Variants in PITPNM2 observed in about 807,000 individuals in gnomAD.
PITPNM2 encodes the protein membrane-associated phosphatidylinositol transfer protein 2.
PITPNM2 carries 35 observed loss-of-function variants against 132.2 expected under a neutral mutation model. That is an observed-to-expected ratio of 0.26 (90% CI 0.20 to 0.35). PITPNM2 has a LOEUF of 0.35. Ranked by LOEUF, PITPNM2 falls within the 10% of genes least tolerant of loss-of-function variation. PITPNM2 has a pLI of 1.00. For synonymous variants in PITPNM2, 738 were observed against 799.2 expected (o/e 0.92, Z 1.29); for missense variants, 1,332 against 1,912.0 (o/e 0.70, Z 5.66).
In PITPNM2 at chr12:123,004,570, GGGCCACCCACA is replaced by G. The variant is rs77146268; in HGVS notation, c.953-92_953-82del. On this transcript the variant is annotated intron_variant, in intron 7 of 25. Coordinates refer to ENST00000320201, the MANE Select transcript of PITPNM2 (RefSeq NM_020845.3). This position sits in a 1 kb window ranked among gnomAD's most constrained non-coding sequence, Gnocchi z 4.9. ...GCCCTGAGCCGGCAGGAGGCAGGGA[GGGCCACCCACA>G]GGCCTGACAGGCATCACAGAGGCTG... 246 of 1,364,038 alleles carry G rather than the reference GGGCCACCCACA, an allele frequency of 1.8e-4. No individual in the cohort carries two copies. The highest frequency in any genetic ancestry group is 2.3e-4 in the Non-Finnish European group (219 of 961,386). The allele number at this position is 1,364,038 out of a possible 1,614,324, so 84.5% of individuals were successfully genotyped here.
intron 1 of PITPNM2, among the ~76,000 whole-genome samples, chr12:123,126,297 C>G (rs547060032): frequency 2.6e-4 from 39 of 152,218 alleles, no homozygotes; most frequent in African/African-American, 7.2e-4. Context: ...GATGCATATC[C>G]TTGGGTAAGC....
rs188845062 is a variant in PITPNM2 at position 123,004,219 on chromosome 12, G to T, written c.1048+175C>A. 1.6e-3 allele frequency among the ~76,000 whole-genome samples: 249 copies of T among 152,198 alleles called. No homozygotes were observed. Among genetic ancestry groups the T allele is most frequent in the African/African-American group, 5.8e-3 (240 of 41,518 alleles). ...ACAAGATGACCTCATCTCATCCTCT[G>T]TGCACTGCCCCAAACACCAGGCTGT... On this transcript the variant is annotated intron_variant, in intron 8 of 25. Transcript: ENST00000320201. The surrounding 1 kb of genome is among the most constrained non-coding windows in gnomAD (Gnocchi z 4.9).
intron 3 of PITPNM2, among the ~76,000 whole-genome samples, chr12:123,020,635 T>C (rs1329065229): frequency 6.6e-6 from 1 of 152,112 alleles, no homozygotes; most frequent in Non-Finnish European, 1.5e-5. Context: ...GCCTCTGTGC[T>C]CAGCAGGTAG....
At chr12:123,024,505 A>G (rs909951135) in intron 3 of PITPNM2, among the ~76,000 whole-genome samples, 20 of 152,238 alleles carry the variant, frequency 1.3e-4, no homozygotes, top group Admixed American at 1.2e-3. Flanking sequence ...CTGTAGCCAA[A>G]AAGTGGAAAC....
rs760798163 is a variant in PITPNM2 at position 122,995,497 on chromosome 12, G to A, written c.1946C>T (p.Pro649Leu). The A allele has an allele frequency of 5.3e-5, 86 of 1,613,722 alleles. No homozygotes were observed. The East Asian group carries it at 1.9e-3, about 35-fold the overall frequency. The stretch of plus-strand genomic sequence containing the variant: ...GGGGTCCTCAGTGCCGTTGCTGCGG[G>A]GGATGTCGACGTTGCTTCGGCTCAG... ...RHLSRSNVDI[P>L]RSNGTEDPKR... Residue 649 changes from proline (P) to leucine (L), a missense_variant, in exon 14 of 26, where the codon CCC becomes CTC. Around this residue, in one of 6 missense-constraint regions of PITPNM2, gnomAD observed 710 missense variants for 911.5 expected, o/e 0.78. Transcript: ENST00000320201.
intron 19 of PITPNM2, 152 bp from the exon 20 acceptor site, chr12:122,988,502 G>T: frequency 1.2e-6 from 1 of 804,658 alleles, no homozygotes; most frequent in Non-Finnish European, 2.0e-6. Flanking sequence ...GTAGCCCTCA[G>T]ACCCCTGTTC....
In PITPNM2 at chr12:123,106,527, G is replaced by C. The variant is rs2042715447; in HGVS notation, c.-96+3858C>G. Among the ~76,000 whole-genome samples the C allele has an allele frequency of 1.3e-5, 2 of 152,220 alleles. No homozygotes were observed. Among genetic ancestry groups the C allele is most frequent in the Admixed American group, 1.3e-4 (2 of 15,288 alleles). ...GCTCCGGGGAACAGGAAGAAGAGGA[G>C]ACTGAGAAGAGCCAGCAATTTCTGG... On this transcript the variant is annotated intron_variant, in intron 2 of 25. Coordinates refer to ENST00000320201, the MANE Select transcript of PITPNM2 (RefSeq NM_020845.3). The surrounding 1 kb of genome is among the most constrained non-coding windows in gnomAD (Gnocchi z 4.4).
At chr12:123,119,605 G>A (rs1306579862) in intron 1 of PITPNM2, among the ~76,000 whole-genome samples, 4 of 151,972 alleles carry the variant, frequency 2.6e-5, no homozygotes, top group South Asian at 2.1e-4. Flanking sequence ...TGATCCGCCC[G>A]CCTCGGCCTC....
chr12:123,004,240 G>A lies in PITPNM2; in HGVS notation c.1048+154C>T, dbSNP rs2038820075. 6.6e-6 allele frequency among the ~76,000 whole-genome samples: 1 copy of A among 152,066 alleles called. No homozygotes were observed. Among genetic ancestry groups the A allele is most frequent in the South Asian group, 2.1e-4 (1 of 4,828 alleles). ...CTCTGTGCACTGCCCCAAACACCAG[G>A]CTGTCCACCTGGGACAGTGCAGGTA... On this transcript the variant is annotated intron_variant, in intron 8 of 25. Coordinates refer to ENST00000320201, the MANE Select transcript of PITPNM2 (RefSeq NM_020845.3). This position sits in a 1 kb window ranked among gnomAD's most constrained non-coding sequence, Gnocchi z 4.9.
Position 123,005,258 on chromosome 12 carries a change from G to C in PITPNM2, c.934C>G (p.Arg312Gly), listed in dbSNP as rs142151554. The change falls in exon 7 of 26, where the codon CGG becomes GGG. Residue 312 changes from arginine to glycine, a missense_variant. Transcript: ENST00000320201. The surrounding 1 kb of genome is among the most constrained non-coding windows in gnomAD (Gnocchi z 6.2). ...KQWSTSSKSS[R>G]SSKRGASPSR... ...GCCTTACCTCCCCGCTTGGACGACCGAGACGACTTGGAGGATGTGGACCAC... is the reference window on the plus strand; with the variant it reads ...GCCTTACCTCCCCGCTTGGACGACCCAGACGACTTGGAGGATGTGGACCAC... 1.2e-6 allele frequency: 2 copies of C among 1,612,550 alleles called. No homozygotes were observed. The highest frequency in any genetic ancestry group is 2.2e-5 in the East Asian group (1 of 44,822).
chr12:123,135,215 C>G (rs1026503517), intron 1 of PITPNM2, among the ~76,000 whole-genome samples: 2 of 152,108 alleles, frequency 1.3e-5, no homozygotes, highest in Non-Finnish European at 1.5e-5. Flanking sequence ...TGGGATCCTT[C>G]CCGGTGGCAG....
At chr12:123,126,679 C>T (rs1384769192) in intron 1 of PITPNM2, among the ~76,000 whole-genome samples, 3 of 152,156 alleles carry the variant, frequency 2.0e-5, no homozygotes, top group East Asian at 1.9e-4. Flanking sequence ...CCACCCCTTC[C>T]GTGGCCTCCG....
chr12:123,084,978 G>C (rs1304542896), intron 2 of PITPNM2, among the ~76,000 whole-genome samples: 1 of 152,200 alleles, frequency 6.6e-6, no homozygotes, highest in African/African-American at 2.4e-5. Context: ...ACTCTGGGAA[G>C]CCAGCTTAAT....
intron 2 of PITPNM2, among the ~76,000 whole-genome samples, chr12:123,075,021 G>A (rs2041740812): frequency 6.6e-6 from 1 of 152,238 alleles, no homozygotes; most frequent in Non-Finnish European, 1.5e-5. Context: ...CCTGCTAGCA[G>A]GCAGGGAAAA....
chr12:123,123,630 A>T (rs2043074904), intron 1 of PITPNM2, among the ~76,000 whole-genome samples: 1 of 152,020 alleles, frequency 6.6e-6, no homozygotes, highest in Non-Finnish European at 1.5e-5. Flanking sequence ...AACAAAAAAA[A>T]ATTAAATTAA....
chr12:122,988,928 G>A (rs1383251239), intron 18 of PITPNM2, 56 bp from the exon 19 acceptor site: 13 of 1,478,118 alleles, frequency 8.8e-6, no homozygotes, highest in East Asian at 5.0e-5. Flanking sequence ...CAGGGACCCC[G>A]AAGGGTCACC....
chr12:122,986,636 C>A lies in PITPNM2; in HGVS notation c.3597+10G>T, dbSNP rs201022515. 3.1e-6 allele frequency: 5 copies of A among 1,610,662 alleles called. No homozygotes were observed. The highest frequency in any genetic ancestry group is 4.2e-6 in the Non-Finnish European group (5 of 1,178,208). On this transcript the variant is annotated intron_variant, in intron 24 of 25. Transcript: ENST00000320201. ...CCACCCCTGCCCTGCCCCATCCTCC[C>A]GGGCCCCACCTCGGAGATGAGCAGC...
In PITPNM2 at chr12:122,986,706, G is replaced by A. The variant is rs1032309410; in HGVS notation, c.3537C>T (p.Asp1179=). The A allele has an allele frequency of 2.0e-5, 32 of 1,613,366 alleles. No individual in the cohort carries two copies. The highest frequency in any genetic ancestry group is 2.2e-5 in the South Asian group (2 of 91,090). The change falls in exon 24 of 26, where the codon GAC becomes GAT. Residue 1179 remains aspartate, a synonymous_variant. Transcript: ENST00000320201. The part of the protein sequence containing the change: ...NFPHGVVSFC[D]GLVHDPLRHK... ...GCCGCAGCGGGTCATGCACCAGGCCGTCACAGAAGGACACCACGCCATGGG... is the reference window on the plus strand; with the variant it reads ...GCCGCAGCGGGTCATGCACCAGGCCATCACAGAAGGACACCACGCCATGGG...
intron 1 of PITPNM2, among the ~76,000 whole-genome samples, chr12:123,128,135 T>A (rs1593030196): frequency 6.6e-6 from 1 of 151,566 alleles, no homozygotes; most frequent in Non-Finnish European, 1.5e-5. Flanking sequence ...AGCATTTGAC[T>A]ATTAAGGATA....
Sources: allele counts gnomAD v4.1 joint callset (sites outside exome capture counted in the v4.1 genomes callset), GRCh38; gene constraint gnomAD v4.1.1; regional missense constraint gnomAD v4.1.1; non-coding constraint Gnocchi (gnomAD v3.1); transcripts MANE v1.5; gene names NCBI Gene and HGNC (gene_info 2026-07-23, HGNC 2026-07-21).